The following PARD3B variants were observed in gnomAD, a reference collection of about 807,000 sequenced individuals.
PARD3B encodes the protein par-3 family cell polarity regulator beta.
Under a neutral mutation model 130.2 loss-of-function variants are expected in PARD3B, and 103 were observed. The observed-to-expected ratio is 0.79, with a 90% CI of 0.67 to 0.93. The LOEUF (loss-of-function observed/expected upper bound fraction) is 0.93, where lower values mean the gene tolerates loss of function less well. Ranked by LOEUF, PARD3B falls within the 40% of genes least tolerant of loss-of-function variation. PARD3B has a pLI of 0.00. For synonymous variants in PARD3B, 583 were observed against 553.2 expected (o/e 1.05, Z -0.76); for missense variants, 1,609 against 1,499.2 (o/e 1.07, Z -1.21).
At chr2:205,546,888 C>CAT (rs1378410781) in intron 21 of PARD3B, among the ~76,000 whole-genome samples, 1 of 152,044 alleles carries the variant, frequency 6.6e-6, no homozygotes, top group Non-Finnish European at 1.5e-5. Context: ...TATCCAATAG[C>CAT]ATACAAAATT....
rs747322861 is a variant in PARD3B, at chr2:205,245,820, CG to C, written c.2185+1del. ...SKVHSLAGQK[S>X]ESPSKDFGPT... ...GTTCACTCATTGGCTGGACAAAAAT[CG>C]GGTAAGAAATTCCTTGTAACTGACT... On this transcript the variant is annotated frameshift_variant and splice_region_variant, in exon 16 of 23. Transcript: ENST00000406610. LOFTEE classifies it high-confidence loss of function. The C allele has an allele frequency of 1.3e-6, 2 of 1,590,938 alleles. No individual in the cohort carries two copies. The highest frequency in any genetic ancestry group is 1.7e-6 in the Non-Finnish European group (2 of 1,159,430).
rs556534003 is a variant in PARD3B, at chr2:204,967,287, C to A, written c.394+1964C>A. Among the ~76,000 whole-genome samples, 2 of 152,318 alleles carry A rather than the reference C, an allele frequency of 1.3e-5. No individual in the cohort carries two copies. The highest frequency in any genetic ancestry group is 1.9e-4 in the East Asian group (1 of 5,188). Reference sequence around the variant, plus strand: ...TTCCACCGTTTCCTTCTACCTCCCCCACTCTGTCAGCTATTCAGCTTCCTT... The same window carrying A: ...TTCCACCGTTTCCTTCTACCTCCCCAACTCTGTCAGCTATTCAGCTTCCTT... On this transcript the variant is annotated intron_variant, in intron 3 of 22. Coordinates refer to ENST00000406610, the MANE Select transcript of PARD3B (RefSeq NM_001302769.2). This position sits in a 1 kb window ranked among gnomAD's most constrained non-coding sequence, Gnocchi z 4.4.
At chr2:205,246,033 G>A (rs1352492031) in intron 16 of PARD3B, among the ~76,000 whole-genome samples, 2 of 152,020 alleles carry the variant, frequency 1.3e-5, no homozygotes, top group African/African-American at 4.8e-5. Context: ...TGGGAGGAAA[G>A]AATAAAGATT....
chr2:205,109,980 C>G (rs199898208), intron 5 of PARD3B, among the ~76,000 whole-genome samples: 1 of 151,966 alleles, frequency 6.6e-6, no homozygotes, highest in Non-Finnish European at 1.5e-5. Flanking sequence ...TAATGTTCTC[C>G]GTGTGCAAAT....
intron 21 of PARD3B, among the ~76,000 whole-genome samples, chr2:205,538,683 G>T (rs578255521): frequency 4.4e-4 from 67 of 152,234 alleles, no homozygotes; most frequent in African/African-American, 1.5e-3. Flanking sequence ...AATAGTATCG[G>T]TGAAGAAGCT....
At chr2:204,713,559 G>A (rs181017055) in intron 2 of PARD3B, among the ~76,000 whole-genome samples, 145 of 151,844 alleles carry the variant, frequency 9.5e-4, no homozygotes, top group African/African-American at 3.4e-3. Context: ...CTAGTTTCCT[G>A]TTTCCCCTCT....
In PARD3B at chr2:205,586,083, A is replaced by AT. The variant is rs2054187263; in HGVS notation, c.3261-29372dup. ...TTCATAGTGTGTATTTATTTGCAATATAAGTAAGTTCATGATTTACCCATC... is the reference window on the plus strand; with the variant it reads ...TTCATAGTGTGTATTTATTTGCAATATTAAGTAAGTTCATGATTTACCCATC... On this transcript the variant is annotated intron_variant, in intron 22 of 22. Transcript: ENST00000406610. Among the ~76,000 whole-genome samples, 3 of 152,224 alleles carry AT rather than the reference A, an allele frequency of 2.0e-5. No individual in the cohort carries two copies. In the South Asian group the frequency reaches 6.2e-4, roughly 31 times the overall value.
Position 205,617,440 on chromosome 2 carries a change from T to G in PARD3B, c.*1627T>G, listed in dbSNP as rs1472914597. The G allele has an allele frequency of 6.6e-6, 1 of 152,236 alleles. No individual in the cohort carries two copies. The highest frequency in any genetic ancestry group is 1.5e-5 in the Non-Finnish European group (1 of 68,050). 9.4% of individuals were successfully genotyped at this position (152,236 alleles called of 1,614,324 possible). A position where few individuals can be genotyped will look rare whatever the true frequency, so the allele number is the denominator to read the frequency against. Reference sequence around the variant, plus strand: ...TTTAATAAATTATAGTATTATTGAATACATAGGACATCCCTCTACCCCAGC... The same window carrying G: ...TTTAATAAATTATAGTATTATTGAAGACATAGGACATCCCTCTACCCCAGC... On this transcript the variant is annotated 3_prime_UTR_variant, in exon 23 of 23. Transcript: ENST00000406610.
At chr2:204,618,578 T>C (rs1243063966) in intron 1 of PARD3B, among the ~76,000 whole-genome samples, 1 of 152,206 alleles carries the variant, frequency 6.6e-6, no homozygotes, top group Non-Finnish European at 1.5e-5. Flanking sequence ...AACATTTCTT[T>C]GCATTATGAA....
chr2:204,632,328 C>T (rs1216936495), intron 1 of PARD3B, among the ~76,000 whole-genome samples: 1 of 152,138 alleles, frequency 6.6e-6, no homozygotes, highest in Non-Finnish European at 1.5e-5. Context: ...TACCCAGTCT[C>T]AGGCAGTTCT....
chr2:205,041,578 A>G (rs1335813562), intron 3 of PARD3B, among the ~76,000 whole-genome samples: 1 of 151,892 alleles, frequency 6.6e-6, no homozygotes, highest in East Asian at 1.9e-4. Flanking sequence ...GAGGTCCTCT[A>G]GTTCTTACAG....
At chr2:205,612,206 G>A (rs1450341151) in intron 22 of PARD3B, among the ~76,000 whole-genome samples, 2 of 152,192 alleles carry the variant, frequency 1.3e-5, no homozygotes, top group African/African-American at 4.8e-5. Flanking sequence ...AAGATGGAGT[G>A]TAGCGGCACA....
intron 2 of PARD3B, among the ~76,000 whole-genome samples, chr2:204,795,930 A>T (rs543289061): frequency 6.6e-6 from 1 of 152,320 alleles, no homozygotes; most frequent in Non-Finnish European, 1.5e-5. Context: ...TTGGTCAGGA[A>T]TCGAAAATAA....
intron 2 of PARD3B, among the ~76,000 whole-genome samples, chr2:204,910,726 G>C (rs759757504): frequency 2.6e-5 from 4 of 152,140 alleles, no homozygotes; most frequent in African/African-American, 9.6e-5. Context: ...TGCAAGCTCC[G>C]CCTCTCCCGG....
intron 5 of PARD3B, among the ~76,000 whole-genome samples, chr2:205,109,271 A>G (rs1438275860): frequency 6.6e-6 from 1 of 152,196 alleles, no homozygotes; most frequent in Non-Finnish European, 1.5e-5. Flanking sequence ...TTCGCTCTGT[A>G]GTCCGCCTCT....
chr2:205,064,943 G>A (rs1431998330), intron 4 of PARD3B, among the ~76,000 whole-genome samples: 1 of 152,176 alleles, frequency 6.6e-6, no homozygotes, highest in East Asian at 1.9e-4. Context: ...AAATGGGGTT[G>A]CAGAAATGCT....
intron 5 of PARD3B, among the ~76,000 whole-genome samples, chr2:205,108,288 C>A (rs1369676575): frequency 6.6e-6 from 1 of 152,152 alleles, no homozygotes; most frequent in East Asian, 1.9e-4. Flanking sequence ...ATAAATATTT[C>A]TAAACCATAG....
chr2:205,433,370 T>C lies in PARD3B; in HGVS notation c.2742-7000T>C, dbSNP rs1212652432. Among the ~76,000 whole-genome samples the C allele has an allele frequency of 3.3e-5, 5 of 152,068 alleles. No individual in the cohort carries two copies. In the East Asian group the frequency reaches 9.7e-4, roughly 30 times the overall value. On this transcript the variant is annotated intron_variant, in intron 19 of 22. Coordinates refer to ENST00000406610, the MANE Select transcript of PARD3B (RefSeq NM_001302769.2). The stretch of plus-strand genomic sequence containing the variant: ...CAATATGGCAAAACCCCTTCTCTAC[T>C]AAAAGTACAAAATTAGCCAGGCATG...
intron 2 of PARD3B, among the ~76,000 whole-genome samples, chr2:204,704,617 G>C (rs924612946): frequency 2.0e-5 from 3 of 152,150 alleles, no homozygotes; most frequent in African/African-American, 7.2e-5. Flanking sequence ...TGCTAATCAA[G>C]GTGATTGAGA....
Sources: allele counts gnomAD v4.1 joint callset (sites outside exome capture counted in the v4.1 genomes callset), GRCh38; gene constraint gnomAD v4.1.1; non-coding constraint Gnocchi (gnomAD v3.1); transcripts MANE v1.5; gene names NCBI Gene and HGNC (gene_info 2026-07-23, HGNC 2026-07-21).